Variants in ZNF518A observed in about 807,000 individuals in gnomAD.
ZNF518A encodes the protein zinc finger protein 518A, also known as zinc finger protein 518.
A neutral mutation model predicts 102.7 loss-of-function variants in ZNF518A; 47 were observed. The ratio of observed to expected loss-of-function variants is 0.46; its 90% CI spans 0.36 to 0.58. The LOEUF is 0.58. Among genes scored for constraint, ZNF518A ranks in the 20% least tolerant of loss-of-function variants. ZNF518A has a pLI of 0.00. For synonymous variants in ZNF518A, 652 were observed against 594.6 expected (o/e 1.10, Z -1.40); for missense variants, 1,793 against 1,699.8 (o/e 1.05, Z -0.96).
chr10:96,203,327 A>G (rs2083701147), intron 1 of ZNF518A, among the ~76,000 whole-genome samples: 1 of 152,192 alleles, frequency 6.6e-6, no homozygotes, highest in Non-Finnish European at 1.5e-5. Context: ...TTTATTTAAG[A>G]TGAATATTAT....
Position 96,161,346 on chromosome 10 carries a change from T to C in ZNF518A, c.*572T>C, listed in dbSNP as rs946381328. 1 of 167,016 alleles carries C rather than the reference T, an allele frequency of 6.0e-6. No individual in the cohort carries two copies. Among genetic ancestry groups the C allele is most frequent in the Non-Finnish European group, 1.5e-5 (1 of 68,060 alleles). 10.3% of individuals were successfully genotyped at this position (167,016 alleles called of 1,614,324 possible). A position where few individuals can be genotyped will look rare whatever the true frequency, so the allele number is the denominator to read the frequency against. ...ACTACAGTTACACCTCATACAATGC[T>C]TGAAGAGTTTTTGGCAAGTAAATTT... On this transcript the variant is annotated 3_prime_UTR_variant, in exon 6 of 6. Transcript: ENST00000316045.
At chr10:96,143,984 C>G (rs1554877512) in intron 3 of ZNF518A, among the ~76,000 whole-genome samples, 1 of 152,046 alleles carries the variant, frequency 6.6e-6, no homozygotes, top group Non-Finnish European at 1.5e-5. Flanking sequence ...CAGTCTGCAG[C>G]TTCCTTTGTT....
chr10:96,156,532 C>A lies in ZNF518A; in HGVS notation c.210C>A (p.Tyr70Ter). 1 of 1,611,522 alleles carries A rather than the reference C, an allele frequency of 6.2e-7. No individual in the cohort carries two copies. Among genetic ancestry groups the A allele is most frequent in the Non-Finnish European group, 8.5e-7 (1 of 1,179,116 alleles). The change falls in exon 6 of 6, where the codon TAC (tyrosine) becomes TAA (stop). Residue 70 changes from tyrosine (Y) to a stop codon, truncating the protein, a stop_gained. Coordinates refer to ENST00000316045, the MANE Select transcript of ZNF518A (RefSeq NM_001330736.2). LOFTEE classifies it high-confidence loss of function. ...EVLLKHEVDK[Y>*]RKLFQSKQQT... ...TATTGAAACATGAAGTTGACAAATACAGAAAATTATTTCAGAGTAAACAGC... is the reference window on the plus strand; with the variant it reads ...TATTGAAACATGAAGTTGACAAATAAAGAAAATTATTTCAGAGTAAACAGC...
chr10:96,153,407 C>A (rs1232344519), intron 3 of ZNF518A, among the ~76,000 whole-genome samples: 1 of 152,126 alleles, frequency 6.6e-6, no homozygotes, highest in Non-Finnish European at 1.5e-5. Flanking sequence ...CAAGTTGATA[C>A]CTAAAATTAA....
chr10:96,142,307 T>G (rs1902705), intron 3 of ZNF518A, among the ~76,000 whole-genome samples: 2,638 of 20,734 alleles, frequency 0.13, 73 homozygotes, highest in African/African-American at 0.39. Flanking sequence ...ATTCTTAGGG[T>G]GTGTGTGTGT....
chr10:96,132,247 A>G (rs2081375383), intron 1 of ZNF518A, among the ~76,000 whole-genome samples: 1 of 151,540 alleles, frequency 6.6e-6, no homozygotes, highest in Non-Finnish European at 1.5e-5. Context: ...GATACCAGAA[A>G]TGAGTATTAA....
chr10:96,140,564 A>G (rs1232206105), intron 3 of ZNF518A, among the ~76,000 whole-genome samples: 2 of 152,196 alleles, frequency 1.3e-5, no homozygotes, highest in Non-Finnish European at 2.9e-5. Flanking sequence ...CCTTTTCTAT[A>G]CTGAATTCAA....
chr10:96,134,732 T>C (rs2081514373), intron 3 of ZNF518A, among the ~76,000 whole-genome samples: 1 of 152,208 alleles, frequency 6.6e-6, no homozygotes, highest in Non-Finnish European at 1.5e-5. Context: ...AAATTTAAAG[T>C]TGTGACTGGT....
intron 3 of ZNF518A, among the ~76,000 whole-genome samples, chr10:96,154,486 TAAC>T (rs1314682478): frequency 1.3e-5 from 2 of 151,120 alleles, no homozygotes; most frequent in Non-Finnish European, 2.9e-5. Flanking sequence ...TCTTTTCTCT[TAAC>T]AAAGCAGTGA....
chr10:96,168,437 G>GTT (rs782643011), downstream of ZNF518A, among the ~76,000 whole-genome samples: 1 of 138,026 alleles, frequency 7.2e-6, no homozygotes, highest in African/African-American at 2.7e-5. Flanking sequence ...CCTTTCCAGT[G>GTT]TTTTTTTTTT....
intron 3 of ZNF518A, among the ~76,000 whole-genome samples, chr10:96,146,577 C>G (rs66728103): frequency 0.13 from 19,138 of 152,144 alleles, 1,262 homozygotes; most frequent in Middle Eastern, 0.17. Flanking sequence ...TTCTTTGGGT[C>G]TTTTGCCTAG....
At chr10:96,194,501 A>G (rs1397628730) in intron 1 of ZNF518A, among the ~76,000 whole-genome samples, 2 of 152,214 alleles carry the variant, frequency 1.3e-5, no homozygotes, top group African/African-American at 4.8e-5. Flanking sequence ...TAGAGAAGAC[A>G]ATATCAAGCT....
At chr10:96,197,066 G>A in intron 1 of ZNF518A, 1 of 1,608,186 alleles carries the variant, frequency 6.2e-7, no homozygotes, top group Middle Eastern at 1.7e-4. Context: ...GATCCATCCT[G>A]TTTAATTTTT....
At chr10:96,145,691 A>C (rs1554878250) in intron 3 of ZNF518A, among the ~76,000 whole-genome samples, 3 of 152,198 alleles carry the variant, frequency 2.0e-5, no homozygotes, top group African/African-American at 7.2e-5. Context: ...CTTCACCTTT[A>C]GTGTCAACAT....
At chr10:96,190,240 G>A (rs782426278) in intron 1 of ZNF518A, 83 of 743,572 alleles carry the variant, frequency 1.1e-4, no homozygotes, top group Non-Finnish European at 1.9e-4. Context: ...CACACACTTA[G>A]GTGGGAGAGA....
Position 96,156,271 on chromosome 10 carries a change from T to C in ZNF518A, c.-52T>C. ...TATCGTTTCCTGTTTAAATTACAGATAACTTCAAGAGTTTTCAGAAAAAAA... is the reference window on the plus strand; with the variant it reads ...TATCGTTTCCTGTTTAAATTACAGACAACTTCAAGAGTTTTCAGAAAAAAA... On this transcript the variant is annotated 5_prime_UTR_variant, in exon 6 of 6. It removes the in-frame stop codon of an upstream open reading frame in the 5' UTR. Coordinates refer to ENST00000316045, the MANE Select transcript of ZNF518A (RefSeq NM_001330736.2). 1 of 1,504,988 alleles carries C rather than the reference T, an allele frequency of 6.6e-7. No individual in the cohort carries two copies. Among genetic ancestry groups the C allele is most frequent in the East Asian group, 2.3e-5 (1 of 43,896 alleles). 93.2% of individuals were successfully genotyped at this position (1,504,988 alleles called of 1,614,324 possible). A position where few individuals can be genotyped will look rare whatever the true frequency, so the allele number is the denominator to read the frequency against.
chr10:96,159,835 A>C lies in ZNF518A; in HGVS notation c.3513A>C (p.Lys1171Asn), dbSNP rs1367863444. The C allele has an allele frequency of 6.2e-7, 1 of 1,613,526 alleles. No individual in the cohort carries two copies. Residue 1171 changes from lysine (K) to asparagine (N), a missense_variant, in exon 6 of 6, where the codon AAA becomes AAC. Physicochemically the swap from Lys to Asn is moderately conservative, Grantham distance 94. This residue lies in a region of ZNF518A where 1,741 missense variants were observed against 1,622.6 expected (regional missense o/e 1.07). Coordinates refer to ENST00000316045, the MANE Select transcript of ZNF518A (RefSeq NM_001330736.2). ...SVSNSASSLQ[K>N]DNVPSNQIIG... ...GCAACTCTGCATCCTCATTGCAAAA[A>C]GACAACGTACCATCTAATCAGATTA... is the stretch of plus-strand genomic sequence containing the variant.
chr10:96,199,602 T>C (rs2083573920), intron 1 of ZNF518A: 1 of 445,322 alleles, frequency 2.2e-6, no homozygotes, highest in Non-Finnish European at 4.5e-6. Flanking sequence ...GATAGCAGTT[T>C]CTCTTGAGTA....
chr10:96,190,102 T>C (rs2133903123), intron 1 of ZNF518A: 3 of 952,442 alleles, frequency 3.1e-6, no homozygotes, highest in South Asian at 2.6e-5. Flanking sequence ...GGATAACTGG[T>C]GCTCATTTTC....
Sources: allele counts gnomAD v4.1 joint callset (sites outside exome capture counted in the v4.1 genomes callset), GRCh38; gene constraint gnomAD v4.1.1; regional missense constraint gnomAD v4.1.1; transcripts MANE v1.5; gene names NCBI Gene and HGNC (gene_info 2026-07-23, HGNC 2026-07-21).